CUBN: variants seen among roughly 807,000 people sequenced by gnomAD.
CUBN encodes cubilin.
In CUBN, 282 loss-of-function variants were observed where a neutral mutation model predicts 405.3. That is an observed-to-expected ratio of 0.70 (90% CI 0.63 to 0.77). CUBN has a LOEUF of 0.77. Among genes scored for constraint, CUBN ranks in the 30% least tolerant of loss-of-function variants. CUBN has a pLI of 0.00. For missense variants in CUBN, 4,514 were observed against 4,475.2 expected (o/e 1.01, Z -0.25); for synonymous variants, 1,684 against 1,617.0 (o/e 1.04, Z -0.99).
rs377611276 is a variant in CUBN, at chr10:16,906,115, A to AAAC, written c.7912+85_7912+87dup. 4 of 1,117,692 alleles carry AAAC rather than the reference A, an allele frequency of 3.6e-6. No individual in the cohort carries two copies. The African/African-American group carries it at 4.7e-5, about 13-fold the overall frequency. 69.2% of individuals were successfully genotyped at this position (1,117,692 alleles called of 1,614,324 possible). A position where few individuals can be genotyped will look rare whatever the true frequency, so the allele number is the denominator to read the frequency against. On this transcript the variant is annotated intron_variant, in intron 50 of 66. Coordinates refer to ENST00000377833, the MANE Select transcript of CUBN (RefSeq NM_001081.4). ...GGCAAGAGAGCAAGCTCCTGTCTCA[A>AAAC]AACAACAACAACAGCAGCGACAACA...
At chr10:16,862,010 G>C (rs956361970) in intron 59 of CUBN, among the ~76,000 whole-genome samples, 3 of 152,090 alleles carry the variant, frequency 2.0e-5, no homozygotes, top group Non-Finnish European at 4.4e-5. Context: ...TTAGCCAGGC[G>C]TGGTTGCATG....
chr10:16,841,250 T>C (rs1041908861), intron 60 of CUBN, among the ~76,000 whole-genome samples: 18 of 152,102 alleles, frequency 1.2e-4, no homozygotes, highest in Admixed American at 1.1e-3. Flanking sequence ...ACGCCTAACA[T>C]TTTTTTCCTC....
chr10:17,070,984 G>A (rs902156843), intron 19 of CUBN, among the ~76,000 whole-genome samples: 1 of 152,192 alleles, frequency 6.6e-6, no homozygotes, highest in Non-Finnish European at 1.5e-5. Flanking sequence ...TAAATATGAT[G>A]TTAGATGTGA....
chr10:16,957,201 G>A (rs78964463), intron 31 of CUBN, among the ~76,000 whole-genome samples: 6,100 of 151,886 alleles, frequency 0.04, 426 homozygotes, highest in African/African-American at 0.14. Flanking sequence ...CCCTGCTACC[G>A]TCCCCAGCCT....
At chr10:17,112,172 A>G (rs1461813345) in intron 8 of CUBN, among the ~76,000 whole-genome samples, 2 of 152,170 alleles carry the variant, frequency 1.3e-5, no homozygotes, top group African/African-American at 2.4e-5. Context: ...AAAAACCTTT[A>G]AAGATTTAAA....
intron 65 of CUBN, 84 bp downstream of exon 65, chr10:16,831,168 A>C (rs887949730): frequency 9.9e-6 from 12 of 1,212,424 alleles, no homozygotes; most frequent in African/African-American, 1.5e-5. Flanking sequence ...GGTAGCTAAA[A>C]ATATAAAGTT....
At chr10:17,105,389 G>A (rs779054770) in intron 11 of CUBN, 68 bp downstream of exon 11, 8 of 921,882 alleles carry the variant, frequency 8.7e-6, no homozygotes, top group East Asian at 4.8e-5. Context: ...ATCCTATAAC[G>A]TTACATTTTA....
intron 59 of CUBN, among the ~76,000 whole-genome samples, chr10:16,851,900 C>T (rs1273685429): frequency 1.5e-5 from 2 of 135,686 alleles, no homozygotes; most frequent in Non-Finnish European, 1.6e-5. Flanking sequence ...ATCTTTCCCT[C>T]CCTGACTCTA....
intron 43 of CUBN, among the ~76,000 whole-genome samples, chr10:16,924,588 G>T (rs2131477510): frequency 6.6e-6 from 1 of 152,016 alleles, no homozygotes; most frequent in South Asian, 2.1e-4. Flanking sequence ...TGGGACAAAG[G>T]AAAAATTTAT....
intron 14 of CUBN, among the ~76,000 whole-genome samples, chr10:17,089,954 A>T (rs946242018): frequency 6.6e-6 from 1 of 152,118 alleles, no homozygotes; most frequent in Non-Finnish European, 1.5e-5. Context: ...TACAAAAAAT[A>T]AAAAAATAAA....
Position 17,043,957 on chromosome 10 carries a change from A to G in CUBN, c.3699T>C (p.Ser1233=), listed in dbSNP as rs781502359. 1.2e-6 allele frequency: 2 copies of G among 1,613,462 alleles called. No individual in the cohort carries two copies. Among genetic ancestry groups the G allele is most frequent in the South Asian group, 2.2e-5 (2 of 91,072 alleles). Reference sequence around the variant, plus strand: ...CCCCACAAAGCTGAGTTAGCAGATGAGAGTTGCTACTTGGGCCATCATATA... The same window carrying G: ...CCCCACAAAGCTGAGTTAGCAGATGGGAGTTGCTACTTGGGCCATCATATA... ...LAVYDGPSSN[S]HLLTQLCGDE... is the part of the protein sequence containing the mutation. The change falls in exon 26 of 67, where the codon TCT becomes TCC. Residue 1233 remains serine, a synonymous_variant. Transcript: ENST00000377833.
intron 59 of CUBN, 24 bp from the exon 60 acceptor site, chr10:16,851,467 T>A: frequency 6.2e-7 from 1 of 1,605,254 alleles, no homozygotes; most frequent in Non-Finnish European, 8.5e-7. Context: ...AAGACATCAC[T>A]ATGCAGACCA....
intron 56 of CUBN, among the ~76,000 whole-genome samples, chr10:16,882,347 T>C (rs1012313039): frequency 7.2e-5 from 11 of 152,256 alleles, no homozygotes; most frequent in Non-Finnish European, 1.5e-4. Flanking sequence ...TTCCCTATCA[T>C]TTGTTTTTAT....
In CUBN at chr10:16,899,159, T is replaced by C. The variant is rs1368320306; in HGVS notation, c.8435A>G (p.Asp2812Gly). 1.2e-6 allele frequency: 2 copies of C among 1,613,896 alleles called. No individual in the cohort carries two copies. Among genetic ancestry groups the C allele is most frequent in the African/African-American group, 1.3e-5 (1 of 74,916 alleles). ...GTGAGGGGATCTGATTGTACCATTA[T>C]CAGAATGAAATATTCCACCACAACC... Reference protein sequence around the residue: ...TLGCGGIFHSDNGTIRSPHWP... With the variant: ...TLGCGGIFHSGNGTIRSPHWP... Residue 2812 changes from aspartate to glycine, a missense_variant, in exon 54 of 67, where the codon GAT (aspartate) becomes GGT (glycine). Around this residue, in one of 5 missense-constraint regions of CUBN, gnomAD observed 1,186 missense variants for 1,186.9 expected, o/e 1.00. Coordinates refer to ENST00000377833, the MANE Select transcript of CUBN (RefSeq NM_001081.4).
intron 50 of CUBN, 35 bp downstream of exon 50, chr10:16,906,168 A>G: frequency 6.9e-7 from 1 of 1,439,388 alleles, no homozygotes; most frequent in Admixed American, 1.7e-5. Context: ...AATATTGTAG[A>G]TAAATGGGAA....
rs111269960 is a variant in CUBN at position 16,964,288 on chromosome 10, C to G, written c.4696-9740G>C. On this transcript the variant is annotated intron_variant, in intron 31 of 66. Transcript: ENST00000377833. ...TTGTTATAACAAGAAAAGAAAAAACCCATTAATAATCCAAATGGTTAATAA... is the reference window on the plus strand; with the variant it reads ...TTGTTATAACAAGAAAAGAAAAAACGCATTAATAATCCAAATGGTTAATAA... 6.4e-3 allele frequency among the ~76,000 whole-genome samples: 979 copies of G among 152,140 alleles called. 17 individuals carry two copies. Among genetic ancestry groups the G allele is most frequent in the African/African-American group, 0.022 (930 of 41,506 alleles).
intron 6 of CUBN, among the ~76,000 whole-genome samples, chr10:17,118,703 C>T (rs12761668): frequency 0.14 from 20,941 of 152,210 alleles, 1,628 homozygotes; most frequent in Middle Eastern, 0.24. Flanking sequence ...TCCCAAAATG[C>T]TGGGATTACA....
At chr10:16,932,967 C>T in intron 40 of CUBN, 120 bp downstream of exon 40, 1 of 1,011,514 alleles carries the variant, frequency 9.9e-7, no homozygotes, top group Non-Finnish European at 1.5e-6. Flanking sequence ...CCTTCCTTGA[C>T]CATAATATCT....
chr10:17,101,300 G>A (rs185564092), intron 13 of CUBN, among the ~76,000 whole-genome samples: 12 of 152,026 alleles, frequency 7.9e-5, no homozygotes, highest in African/African-American at 2.4e-4. Flanking sequence ...ATTTTCTTGC[G>A]AATTGGTAAT....
Sources: gnomAD v4.1 joint callset for allele counts (sites outside exome capture counted in the v4.1 genomes callset) on GRCh38, gnomAD v4.1.1 for gene constraint, gnomAD v4.1.1 regional missense constraint, MANE v1.5 for transcripts, NCBI Gene and HGNC (gene_info 2026-07-23, HGNC 2026-07-21) for gene names.